The following TCF7L1 variants were observed in gnomAD, a reference collection of about 807,000 sequenced individuals.
TCF7L1 encodes the protein transcription factor 7 like 1.
In TCF7L1, 18 loss-of-function variants were observed where a neutral mutation model predicts 63.7. That is an observed-to-expected ratio of 0.28 (90% CI 0.20 to 0.42). The LOEUF (loss-of-function observed/expected upper bound fraction) is 0.42, where lower values mean the gene tolerates loss of function less well. Among genes scored for constraint, TCF7L1 ranks in the 10% least tolerant of loss-of-function variants. TCF7L1 has a pLI of 1.00. For synonymous variants in TCF7L1, 355 were observed against 340.9 expected, an observed-to-expected ratio of 1.04 and a Z score of -0.46; for missense variants, 654 against 779.3, an observed-to-expected ratio of 0.84 and a Z score of 1.91.
intron 4 of TCF7L1, among the ~76,000 whole-genome samples, chr2:85,286,605 C>T (rs1171877600): frequency 6.6e-6 from 1 of 152,112 alleles, no homozygotes; most frequent in African/African-American, 2.4e-5. Flanking sequence ...AAGCGATTCT[C>T]CTGCCTCAGC....
intron 3 of TCF7L1, chr2:85,187,289 C>G (rs1474678038): frequency 2.0e-5 from 3 of 152,126 alleles, no homozygotes; most frequent in Admixed American, 1.3e-4. Flanking sequence ...TCTGGATGAG[C>G]CTTTAAGCCA....
chr2:85,211,060 A>G (rs1006813691), intron 3 of TCF7L1, among the ~76,000 whole-genome samples: 5 of 152,220 alleles, frequency 3.3e-5, no homozygotes, highest in South Asian at 2.1e-4. Flanking sequence ...TTCAGTACGC[A>G]TTGTTGAATA....
intron 3 of TCF7L1, among the ~76,000 whole-genome samples, chr2:85,200,835 G>T (rs1679254109): frequency 6.6e-6 from 1 of 151,582 alleles, no homozygotes; most frequent in Non-Finnish European, 1.5e-5. Flanking sequence ...CGACACTTGA[G>T]TTACCTGCGA....
At position 85,291,993 on chromosome 2, in the gene TCF7L1, ATTTTTTTTTTTTTTTTTTTTTTTTT is replaced by A. The variant is rs1167747216; in HGVS notation, c.525+8436_525+8460del. 1.7e-3 allele frequency among the ~76,000 whole-genome samples: 23 copies of A among 13,836 alleles called. 2 individuals carry two copies. The South Asian group carries it at 0.02, about 12-fold the overall frequency. The allele number at this position is 13,836 out of a possible 152,430, so 9.1% of individuals were successfully genotyped here. ...AGTGCTGAGTTTACTGGTCATATGT[ATTTTTTTTTTTTTTTTTTTTTTTTT>A]TTTTTTTTTTTTTTTTTTTTGAGAC... is the stretch of plus-strand genomic sequence containing the variant. On this transcript the variant is annotated intron_variant, in intron 4 of 11. Coordinates refer to ENST00000282111, the MANE Select transcript of TCF7L1 (RefSeq NM_031283.3).
intron 3 of TCF7L1, among the ~76,000 whole-genome samples, chr2:85,191,674 G>C (rs188731614): frequency 6.6e-6 from 1 of 152,006 alleles, no homozygotes; most frequent in Non-Finnish European, 1.5e-5. Flanking sequence ...AAAATACAAA[G>C]ATTAGGTGGG....
intron 3 of TCF7L1, among the ~76,000 whole-genome samples, chr2:85,280,482 A>G (rs1015535273): frequency 1.2e-4 from 18 of 152,278 alleles, no homozygotes; most frequent in African/African-American, 4.1e-4. Flanking sequence ...GACCACCCCC[A>G]TATGATCTAA....
intron 3 of TCF7L1, among the ~76,000 whole-genome samples, chr2:85,186,124 G>T (rs1042292041): frequency 3.9e-5 from 6 of 151,972 alleles, no homozygotes; most frequent in African/African-American, 1.2e-4. Context: ...CTGCCACCAC[G>T]CCTGGCTAGT....
chr2:85,144,327 T>G (rs1677813131), intron 3 of TCF7L1, among the ~76,000 whole-genome samples: 1 of 144,754 alleles, frequency 6.9e-6, no homozygotes, highest in African/African-American at 2.6e-5. Context: ...ACGCCTGTAA[T>G]CCCCACACTT....
At chr2:85,223,280 C>T (rs57810584) in intron 3 of TCF7L1, among the ~76,000 whole-genome samples, 6 of 152,166 alleles carry the variant, frequency 3.9e-5, no homozygotes, top group African/African-American at 1.2e-4. Context: ...GACAAGGTTT[C>T]GAAATCCTGG....
chr2:85,276,972 G>A (rs1051197362), intron 3 of TCF7L1, among the ~76,000 whole-genome samples: 4 of 152,156 alleles, frequency 2.6e-5, no homozygotes, highest in Non-Finnish European at 2.9e-5. Flanking sequence ...AGTTTCCCAC[G>A]AGTGAAGGAT....
chr2:85,171,586 C>G (rs754632218), intron 3 of TCF7L1, among the ~76,000 whole-genome samples: 8 of 152,168 alleles, frequency 5.3e-5, no homozygotes, highest in Non-Finnish European at 1.2e-4. Flanking sequence ...TTGGGAAAGC[C>G]AATCCTCTTC....
rs547135414 is a variant in TCF7L1, at chr2:85,286,038, A to G, written c.525+2460A>G. On this transcript the variant is annotated intron_variant, in intron 4 of 11. Transcript: ENST00000282111. ...GAAATCCTGTCTCTACTAAAAATAC[A>G]AAATTAGCCAGGCATGGTGGCGCAT... 8.5e-5 allele frequency among the ~76,000 whole-genome samples: 13 copies of G among 152,058 alleles called. No individual in the cohort carries two copies. The East Asian group carries it at 2.3e-3, about 27-fold the overall frequency.
rs150350898 is a variant in TCF7L1, at chr2:85,173,626, G to T, written c.441+39176G>T. On this transcript the variant is annotated intron_variant, in intron 3 of 11. Transcript: ENST00000282111. ...ATATCGAAGTCTCCTAAACTCAAGG[G>T]GTCCTCTGGCCTCAGCCTCCTGAGC... is the stretch of plus-strand genomic sequence containing the variant. Among the ~76,000 whole-genome samples, 175 of 152,250 alleles carry T rather than the reference G, an allele frequency of 1.1e-3. 3 individuals carry two copies. In the East Asian group the frequency reaches 0.028, roughly 24 times the overall value.
At chr2:85,165,371 A>T (rs62162858) in intron 3 of TCF7L1, among the ~76,000 whole-genome samples, 20,923 of 152,254 alleles carry the variant, frequency 0.14, 1,681 homozygotes, top group Admixed American at 0.21. Context: ...GAACAAGCCC[A>T]GCCTTAAATC....
chr2:85,175,606 C>T (rs1026944440), intron 3 of TCF7L1, among the ~76,000 whole-genome samples: 5 of 152,248 alleles, frequency 3.3e-5, no homozygotes, highest in African/African-American at 1.2e-4. Context: ...TGTGATTTCC[C>T]GATGGATCAG....
At chr2:85,250,107 A>G (rs1680556134) in intron 3 of TCF7L1, among the ~76,000 whole-genome samples, 1 of 152,218 alleles carries the variant, frequency 6.6e-6, no homozygotes, top group Non-Finnish European at 1.5e-5. Context: ...ATAAGCAGTG[A>G]TGTACTGGTA....
At chr2:85,171,668 C>T (rs1678547658) in intron 3 of TCF7L1, among the ~76,000 whole-genome samples, 1 of 152,220 alleles carries the variant, frequency 6.6e-6, no homozygotes. Flanking sequence ...CAATTCTATG[C>T]AGTTTCACTG....
intron 3 of TCF7L1, among the ~76,000 whole-genome samples, chr2:85,254,025 T>G (rs932263314): frequency 6.6e-5 from 10 of 152,226 alleles, no homozygotes; most frequent in Non-Finnish European, 4.4e-5. Flanking sequence ...TCCAGGCCCC[T>G]CTTGCCATGA....
At chr2:85,180,711 C>T (rs1478412031) in intron 3 of TCF7L1, among the ~76,000 whole-genome samples, 2 of 152,156 alleles carry the variant, frequency 1.3e-5, no homozygotes, top group Admixed American at 1.3e-4. Context: ...TGGAGTGTTT[C>T]CTGTGCACCA....
Sources: allele counts gnomAD v4.1 joint callset (sites outside exome capture counted in the v4.1 genomes callset), GRCh38; gene constraint gnomAD v4.1.1; transcripts MANE v1.5; gene names NCBI Gene and HGNC (gene_info 2026-07-23, HGNC 2026-07-21).